Variants in ZNF653 observed in about 807,000 individuals in gnomAD.
ZNF653 encodes the protein zinc finger protein 653, also known as 67 kDa zinc finger protein.
ZNF653 carries 37 observed loss-of-function variants against 59.9 expected under a neutral mutation model. That is an observed-to-expected ratio of 0.62 (90% CI 0.48 to 0.81). ZNF653 has a LOEUF of 0.81. Ranked by LOEUF, ZNF653 falls within the 40% of genes least tolerant of loss-of-function variation. The pLI is 0.00. For synonymous variants in ZNF653, 435 were observed against 371.8 expected, an observed-to-expected ratio of 1.17 and a Z score of -1.96; for missense variants, 808 against 881.1, an observed-to-expected ratio of 0.92 and a Z score of 1.05.
chr19:11,505,201 A>T, intron 1 of ZNF653: 1 of 375,880 alleles, frequency 2.7e-6, no homozygotes, highest in Non-Finnish European at 4.8e-6. Flanking sequence ...AGGTGGGGCC[A>T]GTCCCAGGAT....
intron 3 of ZNF653, among the ~76,000 whole-genome samples, chr19:11,493,342 G>GCCAC (rs1971548843): frequency 6.6e-6 from 1 of 151,984 alleles, no homozygotes; most frequent in Admixed American, 6.6e-5. Context: ...ACAGGTGTGA[G>GCCAC]CCACCGTGCC....
rs1407337997 is a variant in ZNF653 at position 11,485,540 on chromosome 19, G to A, written c.1570+116C>T. ...GGACAGGGAGGAGGCTCCTAGGGGT[G>A]TAGTCCTGTGCCCGGAGACCCAGCA... On this transcript the variant is annotated intron_variant, in intron 7 of 8. Transcript: ENST00000293771. The A allele has an allele frequency of 1.1e-5, 8 of 738,746 alleles. No homozygotes were observed. The East Asian group carries it at 2.0e-4, about 19-fold the overall frequency. The allele number at this position is 738,746 out of a possible 1,614,324, so 45.8% of individuals were successfully genotyped here. A position where few individuals can be genotyped will look rare whatever the true frequency, so the allele number is the denominator to read the frequency against.
intron 6 of ZNF653, among the ~76,000 whole-genome samples, chr19:11,486,041 C>A (rs190763104): frequency 2.0e-5 from 3 of 152,174 alleles, no homozygotes; most frequent in Admixed American, 6.5e-5. Flanking sequence ...GCTCCACCCC[C>A]CCGGGTTCAC....
intron 7 of ZNF653, 25 bp from the exon 8 acceptor site, chr19:11,484,166 G>C: frequency 3.3e-6 from 5 of 1,529,400 alleles, no homozygotes; most frequent in Non-Finnish European, 3.5e-6. Context: ...GACCGAGGCT[G>C]AGGACGGTGG....
chr19:11,505,418 G>A lies in ZNF653; in HGVS notation c.299+70C>T, dbSNP rs906115098. ...CGGGGGCTGGCCCTAGAAGCGGAGG[G>A]GGCGGGGTAAAGCCCGGCGGGGTCT... is the stretch of plus-strand genomic sequence containing the variant. On this transcript the variant is annotated intron_variant, in intron 1 of 8. Coordinates refer to ENST00000293771, the MANE Select transcript of ZNF653 (RefSeq NM_138783.4). 28 of 1,345,876 alleles carry A rather than the reference G, an allele frequency of 2.1e-5. No homozygotes were observed. The South Asian group carries it at 2.9e-4, about 14-fold the overall frequency. 83.4% of individuals were successfully genotyped at this position (1,345,876 alleles called of 1,614,324 possible).
rs1971475499 is a variant in ZNF653 at position 11,487,114 on chromosome 19, G to GCTCCTCCTT, written c.1207_1215dup (p.Lys403_Glu405dup). The GCTCCTCCTT allele has an allele frequency of 1.9e-6, 3 of 1,613,314 alleles. No individual in the cohort carries two copies. The highest frequency in any genetic ancestry group is 1.3e-5 in the African/African-American group (1 of 75,054). On this transcript the variant is annotated inframe_insertion, in exon 5 of 9. Transcript: ENST00000293771. This position sits in a 1 kb window ranked among gnomAD's most constrained non-coding sequence, Gnocchi z 5.1. ...GTTGTTGCCAGCTCCGGGGCTACTG[G>GCTCCTCCTT]CTCCTCCTTCTCCTCCTTCTTTAGC...
intron 1 of ZNF653, among the ~76,000 whole-genome samples, chr19:11,503,468 A>ATCTC (rs1044045675): frequency 1.6e-4 from 24 of 152,246 alleles, no homozygotes; most frequent in African/African-American, 5.8e-4. Flanking sequence ...CGTAGCCCCT[A>ATCTC]TCTCTCATGG....
rs1394107569 is a variant in ZNF653 at position 11,487,850 on chromosome 19, A to G, written c.613T>C (p.Ser205Pro). ...CCCTCAGGAGACTCCTCAGAGTCAG[A>G]GGCAGAGCCAGAGCTGGATGAGTCA... ...SSDSSSSGSASDSEESPEGQP... is the reference protein window; with the variant it reads ...SSDSSSSGSAPDSEESPEGQP... The change falls in exon 4 of 9, where the codon TCT becomes CCT. Residue 205 changes from serine to proline, a missense_variant. Coordinates refer to ENST00000293771, the MANE Select transcript of ZNF653 (RefSeq NM_138783.4). This position sits in a 1 kb window ranked among gnomAD's most constrained non-coding sequence, Gnocchi z 5.1. 3 of 1,609,772 alleles carry G rather than the reference A, an allele frequency of 1.9e-6. No homozygotes were observed. Among genetic ancestry groups the G allele is most frequent in the Non-Finnish European group, 2.5e-6 (3 of 1,177,850 alleles).
chr19:11,505,525 T>TGAGGTAGGCGGC lies in ZNF653; in HGVS notation c.250_261dup (p.Ala84_Leu87dup). On this transcript the variant is annotated inframe_insertion, in exon 1 of 9. Coordinates refer to ENST00000293771, the MANE Select transcript of ZNF653 (RefSeq NM_138783.4). Reference sequence around the variant, plus strand: ...CTCCGCTGGCCGCGCTCCAGAGAGATGAGGTAGGCGGCGAGCTTGGCGTCG... The same window carrying TGAGGTAGGCGGC: ...CTCCGCTGGCCGCGCTCCAGAGAGATGAGGTAGGCGGCGAGGTAGGCGGCGAGCTTGGCGTCG... 6.6e-7 allele frequency: 1 copy of TGAGGTAGGCGGC among 1,515,160 alleles called. No homozygotes were observed. Among genetic ancestry groups the TGAGGTAGGCGGC allele is most frequent in the Non-Finnish European group, 8.7e-7 (1 of 1,143,846 alleles). The allele number at this position is 1,515,160 out of a possible 1,614,324, so 93.9% of individuals were successfully genotyped here.
In ZNF653 at chr19:11,505,703, T is replaced by G. The variant is rs1411736799; in HGVS notation, c.84A>C (p.Ala28=). Residue 28 remains alanine, a synonymous_variant, in exon 1 of 9, where the codon GCA becomes GCC. Coordinates refer to ENST00000293771, the MANE Select transcript of ZNF653 (RefSeq NM_138783.4). ...AGGEAAAEEG[A]AGRKARGRPR... is the part of the protein sequence containing the mutation. ...GCCGGCCCCGCGCCTTTCGGCCCGC[T>G]GCGCCCTCCTCGGCTGCTGCCTCCC... 1.3e-6 allele frequency: 2 copies of G among 1,485,240 alleles called. No individual in the cohort carries two copies. The highest frequency in any genetic ancestry group is 2.9e-5 in the African/African-American group (2 of 68,094). The allele number at this position is 1,485,240 out of a possible 1,614,324, so 92.0% of individuals were successfully genotyped here. A position where few individuals can be genotyped will look rare whatever the true frequency, so the allele number is the denominator to read the frequency against.
In ZNF653 at chr19:11,485,579, C is replaced by A. The variant is rs1348017353; in HGVS notation, c.1570+77G>T. 4.0e-6 allele frequency: 5 copies of A among 1,238,244 alleles called. No individual in the cohort carries two copies. In the African/African-American group the frequency reaches 7.4e-5, roughly 18 times the overall value. The allele number at this position is 1,238,244 out of a possible 1,614,324, so 76.7% of individuals were successfully genotyped here. On this transcript the variant is annotated intron_variant, in intron 7 of 8. Coordinates refer to ENST00000293771, the MANE Select transcript of ZNF653 (RefSeq NM_138783.4). Reference sequence around the variant, plus strand: ...GGAGACCCAGCACTGGGCTTTGACCCGCCAGCTCTGGCCCAGGCTCCCAGG... The same window carrying A: ...GGAGACCCAGCACTGGGCTTTGACCAGCCAGCTCTGGCCCAGGCTCCCAGG...
rs1971488180 is a variant in ZNF653 at position 11,487,961 on chromosome 19, A to G, written c.560-58T>C. 8.6e-6 allele frequency: 11 copies of G among 1,284,224 alleles called. No individual in the cohort carries two copies. The highest frequency in any genetic ancestry group is 1.9e-5 in the African/African-American group (1 of 53,890). 79.6% of individuals were successfully genotyped at this position (1,284,224 alleles called of 1,614,324 possible). The stretch of plus-strand genomic sequence containing the variant: ...TAGCTGCAGCCACTGGTATTTGTTT[A>G]TTTAGTTTTTATTTTATTTTATTTA... On this transcript the variant is annotated intron_variant, in intron 3 of 8. Transcript: ENST00000293771. The surrounding 1 kb of genome is among the most constrained non-coding windows in gnomAD (Gnocchi z 5.1).
At chr19:11,505,463 C>T in intron 1 of ZNF653, 25 bp downstream of exon 1, 1 of 1,433,368 alleles carries the variant, frequency 7.0e-7, no homozygotes, top group Non-Finnish European at 9.0e-7. Flanking sequence ...TCCTCCCTCC[C>T]TCCCTCGGGG....
At chr19:11,491,486 G>T (rs1971529180) in intron 3 of ZNF653, among the ~76,000 whole-genome samples, 1 of 152,166 alleles carries the variant, frequency 6.6e-6, no homozygotes, top group Non-Finnish European at 1.5e-5. Flanking sequence ...GTTTCAGGAG[G>T]TGTTCCATCA....
At chr19:11,500,043 C>T (rs1018930460) in intron 1 of ZNF653, among the ~76,000 whole-genome samples, 4 of 152,172 alleles carry the variant, frequency 2.6e-5, no homozygotes, top group African/African-American at 7.2e-5. Flanking sequence ...AGCCTGGGCC[C>T]CCTGGCCTCC....
In ZNF653 at chr19:11,505,823, G is replaced by A; in HGVS notation, c.-37C>T. ...TGGTTACCAGCCTCCCCCGTTGTTA[G>A]GAGCCAGACCGGAAGTGGCGCGCAT... On this transcript the variant is annotated 5_prime_UTR_variant, in exon 1 of 9. Coordinates refer to ENST00000293771, the MANE Select transcript of ZNF653 (RefSeq NM_138783.4). 1.5e-6 allele frequency: 2 copies of A among 1,326,326 alleles called. No individual in the cohort carries two copies. Among genetic ancestry groups the A allele is most frequent in the South Asian group, 3.5e-5 (2 of 57,938 alleles). The allele number at this position is 1,326,326 out of a possible 1,614,324, so 82.2% of individuals were successfully genotyped here. A position where few individuals can be genotyped will look rare whatever the true frequency, so the allele number is the denominator to read the frequency against.
intron 1 of ZNF653, among the ~76,000 whole-genome samples, chr19:11,503,795 G>A (rs1433382002): frequency 1.3e-5 from 2 of 151,614 alleles, no homozygotes; most frequent in Admixed American, 6.6e-5. Flanking sequence ...GACAAAGTGA[G>A]ACCCTGTCTC....
At chr19:11,497,349 G>A (rs991174786) in intron 2 of ZNF653, among the ~76,000 whole-genome samples, 4 of 152,206 alleles carry the variant, frequency 2.6e-5, no homozygotes. Context: ...ATGAGAGAAC[G>A]CTGCATAGCG....
chr19:11,496,749 C>A (rs929195238), intron 2 of ZNF653, among the ~76,000 whole-genome samples: 2 of 152,188 alleles, frequency 1.3e-5, no homozygotes, highest in Admixed American at 6.5e-5. Context: ...TGCCTTTTGT[C>A]CCAGCTACTT....
Sources: allele counts gnomAD v4.1 joint callset (sites outside exome capture counted in the v4.1 genomes callset), GRCh38; gene constraint gnomAD v4.1.1; non-coding constraint Gnocchi (gnomAD v3.1); transcripts MANE v1.5; gene names NCBI Gene and HGNC (gene_info 2026-07-23, HGNC 2026-07-21).